The following DLGAP1 variants were observed in gnomAD, a reference collection of about 807,000 sequenced individuals.
DLGAP1 encodes the protein DLG associated protein 1.
DLGAP1 carries 11 observed loss-of-function variants against 90.8 expected under a neutral mutation model. That is an observed-to-expected ratio of 0.12 (90% CI 0.08 to 0.20). The LOEUF is 0.20. DLGAP1 is among the 10% of genes least tolerant of loss of function. The pLI is 1.00. For missense variants in DLGAP1, 1,050 were observed against 1,333.8 expected, an observed-to-expected ratio of 0.79 and a Z score of 3.31; for synonymous variants, 558 against 540.7, an observed-to-expected ratio of 1.03 and a Z score of -0.44.
chr18:4,254,101 G>C (rs2078837662), intron 1 of DLGAP1, among the ~76,000 whole-genome samples: 1 of 152,154 alleles, frequency 6.6e-6, no homozygotes, highest in African/African-American at 2.4e-5. Context: ...ATGTCAGGCA[G>C]GGATTGTCAA....
At chr18:4,406,201 C>T (rs1309495672) in intron 1 of DLGAP1, among the ~76,000 whole-genome samples, 2 of 152,138 alleles carry the variant, frequency 1.3e-5, no homozygotes, top group Admixed American at 1.3e-4. Context: ...AAACTAGGCC[C>T]ACCACCAGTC....
intron 7 of DLGAP1, among the ~76,000 whole-genome samples, chr18:3,589,889 C>A (rs1454110322): frequency 6.6e-6 from 1 of 152,116 alleles, no homozygotes; most frequent in Non-Finnish European, 1.5e-5. Context: ...AGCAGTTGTT[C>A]AACAAGCCCT....
chr18:3,754,560 C>T (rs1050950193), intron 5 of DLGAP1, among the ~76,000 whole-genome samples: 1 of 150,396 alleles, frequency 6.6e-6, no homozygotes, highest in African/African-American at 2.5e-5. Context: ...TATTTTATAA[C>T]TTACTACCAT....
At chr18:4,158,049 C>T (rs1367262633) in intron 1 of DLGAP1, among the ~76,000 whole-genome samples, 4 of 152,078 alleles carry the variant, frequency 2.6e-5, no homozygotes, top group Non-Finnish European at 1.5e-5. Context: ...TTCTTGCAAT[C>T]CTTCCTTACT....
intron 1 of DLGAP1, among the ~76,000 whole-genome samples, chr18:4,162,332 A>T (rs1280372739): frequency 6.6e-6 from 1 of 152,192 alleles, no homozygotes; most frequent in Non-Finnish European, 1.5e-5. Flanking sequence ...ATGTGGTACC[A>T]ATGGAGAGAT....
intron 2 of DLGAP1, among the ~76,000 whole-genome samples, chr18:4,063,698 A>G (rs747976843): frequency 4.6e-5 from 7 of 152,114 alleles, no homozygotes; most frequent in Non-Finnish European, 1.0e-4. Context: ...CTTCATCTAC[A>G]TAACAAGGCC....
intron 3 of DLGAP1, among the ~76,000 whole-genome samples, chr18:3,976,235 G>C (rs1045954044): frequency 7.1e-5 from 10 of 141,156 alleles, no homozygotes; most frequent in Non-Finnish European, 1.1e-4. Flanking sequence ...AATTAGCCAG[G>C]TGTGGTGGTG....
intron 2 of DLGAP1, among the ~76,000 whole-genome samples, chr18:4,069,281 G>T (rs1359994580): frequency 6.6e-6 from 1 of 152,182 alleles, no homozygotes; most frequent in South Asian, 2.1e-4. Context: ...GTGAATGAGA[G>T]TAAGGATGAG....
intron 4 of DLGAP1, among the ~76,000 whole-genome samples, chr18:3,825,643 G>C (rs2067670295): frequency 6.6e-6 from 1 of 152,124 alleles, no homozygotes; most frequent in South Asian, 2.1e-4. Flanking sequence ...TGGATACATA[G>C]AGAGGACTGT....
chr18:3,633,401 CAAAA>C (rs60320308), intron 7 of DLGAP1, among the ~76,000 whole-genome samples: 4 of 61,996 alleles, frequency 6.5e-5, no homozygotes, highest in East Asian at 3.9e-4. Context: ...GACTTCATCT[CAAAA>C]AAAAAAAAAA....
rs200676669 is a variant in DLGAP1 at position 3,879,692 on chromosome 18, G to A, written c.377C>T (p.Thr126Met). Residue 126 changes from threonine to methionine, a missense_variant, in exon 4 of 13, where the codon ACG (threonine) becomes ATG (methionine). Physicochemically the swap from Thr to Met is moderately conservative, Grantham distance 81. This residue lies in a region of DLGAP1 where 485 missense variants were observed against 454.1 expected (regional missense o/e 1.07). Coordinates refer to ENST00000315677, the MANE Select transcript of DLGAP1 (RefSeq NM_004746.4). The surrounding 1 kb of genome is among the most constrained non-coding windows in gnomAD (Gnocchi z 6.6). Reference protein sequence around the residue: ...DGYHTLQYKRTAVEHRSDSPG... With the variant: ...DGYHTLQYKRMAVEHRSDSPG... ...GCTGTCGCTGCGGTGCTCCACGGCC[G>A]TGCGCTTGTACTGCAGGGTGTGATA... 2.1e-5 allele frequency: 33 copies of A among 1,607,782 alleles called. No individual in the cohort carries two copies. In the Admixed American group the frequency reaches 4.5e-4, roughly 22 times the overall value.
rs192855483 is a variant in DLGAP1 at position 3,504,218 on chromosome 18, T to C, written c.2572-1573A>G. Among the ~76,000 whole-genome samples, 135 of 152,322 alleles carry C rather than the reference T, an allele frequency of 8.9e-4. 1 individual carries two copies. The highest frequency in any genetic ancestry group is 3.1e-3 in the African/African-American group (127 of 41,578). The stretch of plus-strand genomic sequence containing the variant: ...ATTTTAAAGTTTATAAAGTTTTTTT[T>C]AGTTTACTAAATCAGAATACTACAG... On this transcript the variant is annotated intron_variant, in intron 11 of 12. Transcript: ENST00000315677.
At chr18:3,601,043 G>C (rs1277293072) in intron 7 of DLGAP1, among the ~76,000 whole-genome samples, 1 of 145,722 alleles carries the variant, frequency 6.9e-6, no homozygotes, top group Non-Finnish European at 1.5e-5. Flanking sequence ...TAGAGATAAA[G>C]ATATAGATAG....
intron 5 of DLGAP1, among the ~76,000 whole-genome samples, chr18:3,809,538 T>C (rs905251518): frequency 6.6e-6 from 1 of 152,190 alleles, no homozygotes; most frequent in Non-Finnish European, 1.5e-5. Flanking sequence ...AGACACTTTA[T>C]CAAAATTGCT....
At chr18:3,546,077 A>G (rs1011590443) in intron 9 of DLGAP1, among the ~76,000 whole-genome samples, 7 of 152,188 alleles carry the variant, frequency 4.6e-5, no homozygotes, top group African/African-American at 1.7e-4. Flanking sequence ...AAATTAGAGA[A>G]TATAGAAGAA....
intron 7 of DLGAP1, chr18:3,722,218 C>T (rs1324143197): frequency 6.6e-6 from 1 of 152,164 alleles, no homozygotes; most frequent in African/African-American, 2.4e-5. Flanking sequence ...GGCATAGCCC[C>T]TCAAGGTTGG....
At chr18:3,748,273 G>A (rs1353587425) in intron 5 of DLGAP1, among the ~76,000 whole-genome samples, 1 of 152,216 alleles carries the variant, frequency 6.6e-6, no homozygotes, top group East Asian at 1.9e-4. Context: ...AAACAAGCTT[G>A]ACCCTTTGTA....
At chr18:4,250,002 C>A (rs56806038) in intron 1 of DLGAP1, among the ~76,000 whole-genome samples, 1 of 152,178 alleles carries the variant, frequency 6.6e-6, no homozygotes, top group African/African-American at 2.4e-5. Context: ...TTCAGCCATG[C>A]ATCTTTGGGT....
chr18:3,846,060 G>A (rs1032043769), intron 4 of DLGAP1, among the ~76,000 whole-genome samples: 1 of 151,622 alleles, frequency 6.6e-6, no homozygotes, highest in Non-Finnish European at 1.5e-5. Context: ...GTGTGTGTGT[G>A]TGTGTGTGTG....
Sources: gnomAD v4.1 joint callset for allele counts (sites outside exome capture counted in the v4.1 genomes callset) on GRCh38, gnomAD v4.1.1 for gene constraint, gnomAD v4.1.1 regional missense constraint, Gnocchi (gnomAD v3.1) non-coding constraint, MANE v1.5 for transcripts, NCBI Gene and HGNC (gene_info 2026-07-23, HGNC 2026-07-21) for gene names.